The following HK2 variants were observed in gnomAD, a reference collection of about 807,000 sequenced individuals.
HK2 encodes hexokinase 2.
Under a neutral mutation model 92.9 loss-of-function variants are expected in HK2, and 42 were observed. The observed-to-expected ratio is 0.45, with a 90% CI of 0.35 to 0.58. The LOEUF (loss-of-function observed/expected upper bound fraction) is 0.58. HK2 is among the 20% of genes least tolerant of loss of function. HK2 has a pLI of 0.00. For synonymous variants in HK2, 422 were observed against 468.0 expected, an observed-to-expected ratio of 0.90 and a Z score of 1.27; for missense variants, 978 against 1,245.1, an observed-to-expected ratio of 0.79 and a Z score of 3.23.
chr2:74,881,668 A>G (rs375011110), intron 10 of HK2, 43 bp from the exon 11 acceptor site: 124 of 1,609,608 alleles, frequency 7.7e-5, no homozygotes, highest in African/African-American at 1.5e-4. Flanking sequence ...CACATTCCCC[A>G]TGTTCTGCCC....
chr2:74,873,476 A>G (rs2103959779), intron 5 of HK2, 105 bp downstream of exon 5: 1 of 760,536 alleles, frequency 1.3e-6, no homozygotes, highest in East Asian at 2.5e-5. Flanking sequence ...GTGGAGCTTA[A>G]GGAGAGTTCT....
chr2:74,835,603 G>C (rs113662115), intron 1 of HK2, among the ~76,000 whole-genome samples: 1,836 of 152,288 alleles, frequency 0.012, 35 homozygotes, highest in African/African-American at 0.042. Flanking sequence ...CTCGGGGTAT[G>C]GGGGTGGGGA....
chr2:74,869,765 A>C (rs1057140600), intron 3 of HK2, among the ~76,000 whole-genome samples: 2 of 152,134 alleles, frequency 1.3e-5, no homozygotes, highest in African/African-American at 4.8e-5. Context: ...GATCCTCCTC[A>C]AAGAGAACGA....
chr2:74,867,517 A>G, intron 2 of HK2, 119 bp from the exon 3 acceptor site: 1 of 984,414 alleles, frequency 1.0e-6, no homozygotes, highest in South Asian at 1.3e-5. Flanking sequence ...TAGAGGAGTG[A>G]ATCCCACTGG....
At position 74,877,275 on chromosome 2, in the gene HK2, C is replaced by G. The variant is rs1272529604; in HGVS notation, c.985C>G (p.Leu329Val). Residue 329 changes from leucine to valine, a missense_variant, in exon 8 of 18, where the codon CTC becomes GTC. This residue lies in a region of HK2 where 742 missense variants were observed against 922.5 expected (regional missense o/e 0.80). Transcript: ENST00000290573. ...LFGGKLSPEL[L>V]NTGRFETKDI... ...TGGGGGGAAGCTCAGCCCAGAGCTTCTCAACACCGGTCGCTTTGAGACCAA... is the reference window on the plus strand; with the variant it reads ...TGGGGGGAAGCTCAGCCCAGAGCTTGTCAACACCGGTCGCTTTGAGACCAA... The G allele has an allele frequency of 1.4e-5, 23 of 1,614,068 alleles. No homozygotes were observed. In the Admixed American group the frequency reaches 3.8e-4, roughly 27 times the overall value.
intron 1 of HK2, among the ~76,000 whole-genome samples, chr2:74,838,685 C>G (rs1041563826): frequency 1.3e-5 from 2 of 152,000 alleles, no homozygotes; most frequent in Non-Finnish European, 2.9e-5. Context: ...ACTACAGGCG[C>G]CTGCCACCAT....
Position 74,889,510 on chromosome 2 carries a change from C to T in HK2, c.2609+32C>T, listed in dbSNP as rs28363058. 6.3e-3 allele frequency: 8,603 copies of T among 1,360,404 alleles called. 35 individuals carry two copies. Among genetic ancestry groups the T allele is most frequent in the Non-Finnish European group, 7.6e-3 (7,328 of 963,990 alleles). 84.3% of individuals were successfully genotyped at this position (1,360,404 alleles called of 1,614,324 possible). A position where few individuals can be genotyped will look rare whatever the true frequency, so the allele number is the denominator to read the frequency against. On this transcript the variant is annotated intron_variant, in intron 17 of 17. Transcript: ENST00000290573. The stretch of plus-strand genomic sequence containing the variant: ...GCCTGATCCCAGCCCCCCCTGCCTA[C>T]CTTCTTTCTGTCTTTGTTCTTTCCC...
intron 8 of HK2, among the ~76,000 whole-genome samples, chr2:74,878,215 G>T (rs1689280305): frequency 6.6e-6 from 1 of 152,146 alleles, no homozygotes; most frequent in Non-Finnish European, 1.5e-5. Flanking sequence ...TTTAGAGAGA[G>T]AAACCAGGTG....
At chr2:74,870,035 T>C (rs1219114661) in intron 3 of HK2, among the ~76,000 whole-genome samples, 4 of 149,366 alleles carry the variant, frequency 2.7e-5, no homozygotes, top group Non-Finnish European at 5.9e-5. Context: ...AGTCTCACTC[T>C]GTCACCCAAG....
At position 74,834,161 on chromosome 2, in the gene HK2, G is replaced by C; in HGVS notation, c.-420G>C. The C allele has an allele frequency of 2.9e-6, 1 of 340,836 alleles. No individual in the cohort carries two copies. The allele number at this position is 340,836 out of a possible 1,614,324, so 21.1% of individuals were successfully genotyped here. On this transcript the variant is annotated 5_prime_UTR_variant, in exon 1 of 18. Transcript: ENST00000290573. This position sits in a 1 kb window ranked among gnomAD's most constrained non-coding sequence, Gnocchi z 4.2. Reference sequence around the variant, plus strand: ...CATGAAACTCCGGCGCAGGAGTCCCGGGCTGCCGCTGGCAACATCGTGTCA... The same window carrying C: ...CATGAAACTCCGGCGCAGGAGTCCCCGGCTGCCGCTGGCAACATCGTGTCA...
chr2:74,877,070 T>C, intron 7 of HK2, 96 bp from the exon 8 acceptor site: 4 of 1,497,560 alleles, frequency 2.7e-6, no homozygotes, highest in Non-Finnish European at 3.7e-6. Flanking sequence ...AACCCTTAGT[T>C]GTGAAGTTGC....
At chr2:74,871,959 C>T (rs531993527) in intron 3 of HK2, among the ~76,000 whole-genome samples, 18 of 152,256 alleles carry the variant, frequency 1.2e-4, no homozygotes, top group South Asian at 4.1e-4. Flanking sequence ...TTCTGTTCCC[C>T]GGGCATGAAG....
At chr2:74,858,650 C>A (rs762046659) in intron 2 of HK2, among the ~76,000 whole-genome samples, 3 of 152,220 alleles carry the variant, frequency 2.0e-5, no homozygotes, top group Non-Finnish European at 2.9e-5. Flanking sequence ...GGAAGATTGG[C>A]ATCAAGGGAG....
chr2:74,866,012 T>G (rs935308337), intron 2 of HK2, among the ~76,000 whole-genome samples: 5 of 152,020 alleles, frequency 3.3e-5, no homozygotes, highest in African/African-American at 1.2e-4. Flanking sequence ...CTCTGCTAAA[T>G]AGTGGCCGGG....
rs758028308 is a variant in HK2 at position 74,854,346 on chromosome 2, C to T, written c.117C>T (p.Ile39=). 6.2e-7 allele frequency: 1 copy of T among 1,613,696 alleles called. No homozygotes were observed. The highest frequency in any genetic ancestry group is 2.2e-5 in the East Asian group (1 of 44,886). Residue 39 remains isoleucine, a synonymous_variant, in exon 2 of 18, where the codon ATC becomes ATT. Transcript: ENST00000290573. ...TCTCTGATGAGACCCTCTTGGAGATCTCTAAGCGGTTCCGCAAGGAGATGG... is the reference window on the plus strand; with the variant it reads ...TCTCTGATGAGACCCTCTTGGAGATTTCTAAGCGGTTCCGCAAGGAGATGG... ...MRLSDETLLE[I]SKRFRKEMEK... is the part of the protein sequence containing the mutation.
In HK2 at chr2:74,882,244, C is replaced by G. The variant is rs754878255; in HGVS notation, c.1839+5C>G. ...CAGCAGAACAGCCTGGACGAGGTAACAGCACCTTCCTGGAGGGCTCTCCTG... is the reference window on the plus strand; with the variant it reads ...CAGCAGAACAGCCTGGACGAGGTAAGAGCACCTTCCTGGAGGGCTCTCCTG... On this transcript the variant is annotated splice_donor_5th_base_variant and intron_variant, in intron 12 of 17. Transcript: ENST00000290573. The G allele has an allele frequency of 6.8e-6, 11 of 1,614,026 alleles. No homozygotes were observed. The highest frequency in any genetic ancestry group is 1.1e-5 in the South Asian group (1 of 91,086).
chr2:74,880,103 G>T (rs1689343856), intron 9 of HK2, among the ~76,000 whole-genome samples, 162 bp from the exon 10 acceptor site: 1 of 152,260 alleles, frequency 6.6e-6, no homozygotes, highest in African/African-American at 2.4e-5. Flanking sequence ...TTCTTGTAGT[G>T]GTTCCTAACT....
At chr2:74,889,185 G>A (rs1327686397) in intron 16 of HK2, 60 bp from the exon 17 acceptor site, 2 of 1,389,894 alleles carry the variant, frequency 1.4e-6, no homozygotes, top group Non-Finnish European at 2.0e-6. Context: ...GCCCTGGTGT[G>A]GTAGGCTACC....
intron 1 of HK2, among the ~76,000 whole-genome samples, chr2:74,836,815 A>C (rs913595808): frequency 3.9e-5 from 6 of 152,198 alleles, no homozygotes; most frequent in Non-Finnish European, 7.3e-5. Flanking sequence ...AAGAGAGAAG[A>C]ATGAAAATTT....
Sources: allele counts gnomAD v4.1 joint callset (sites outside exome capture counted in the v4.1 genomes callset), GRCh38; gene constraint gnomAD v4.1.1; regional missense constraint gnomAD v4.1.1; non-coding constraint Gnocchi (gnomAD v3.1); transcripts MANE v1.5; gene names NCBI Gene and HGNC (gene_info 2026-07-23, HGNC 2026-07-21).